The following MAST4 variants were observed in gnomAD, a reference collection of about 807,000 sequenced individuals.
MAST4 encodes microtubule-associated serine/threonine-protein kinase 4.
MAST4 carries 89 observed loss-of-function variants against 162.7 expected under a neutral mutation model. That is an observed-to-expected ratio of 0.55 (90% confidence interval 0.46 to 0.65). The LOEUF is 0.65. MAST4 is among the 30% of genes least tolerant of loss of function. The pLI is 0.00. For missense variants in MAST4, 3,153 were observed against 3,374.0 expected (o/e 0.93, Z 1.62); for synonymous variants, 1,479 against 1,361.1 (o/e 1.09, Z -1.91).
At chr5:67,069,939 C>G (rs1451902572) in intron 5 of MAST4, among the ~76,000 whole-genome samples, 1 of 147,316 alleles carries the variant, frequency 6.8e-6, no homozygotes, top group Non-Finnish European at 1.5e-5. Context: ...AAAGAACATG[C>G]CCTACTTCAG....
chr5:67,062,556 T>C (rs1255466286), intron 5 of MAST4, among the ~76,000 whole-genome samples: 1 of 152,096 alleles, frequency 6.6e-6, no homozygotes, highest in Non-Finnish European at 1.5e-5. Context: ...TTAATAAAAA[T>C]GTTCATTCAG....
chr5:67,141,625 A>G (rs549105248), intron 19 of MAST4, among the ~76,000 whole-genome samples: 2 of 152,336 alleles, frequency 1.3e-5, no homozygotes, highest in Non-Finnish European at 2.9e-5. Flanking sequence ...ATTCTTATCT[A>G]TGTTAATGAG....
At chr5:66,744,519 G>A (rs1752643537) in intron 1 of MAST4, among the ~76,000 whole-genome samples, 1 of 152,082 alleles carries the variant, frequency 6.6e-6, no homozygotes, top group Non-Finnish European at 1.5e-5. Flanking sequence ...AGGAAAAGAG[G>A]TTTAATTGGC....
Position 66,974,862 on chromosome 5 carries a change from G to T in MAST4, c.674+74880G>T, listed in dbSNP as rs1747930094. ...AGAGAATTTCTATTCTAGCTGAGAT[G>T]ATAAGAATTAAGAGTATGGGTTGGG... is the stretch of plus-strand genomic sequence containing the variant. On this transcript the variant is annotated intron_variant, in intron 4 of 28. Coordinates refer to ENST00000403625, the MANE Select transcript of MAST4 (RefSeq NM_001164664.2). 2.0e-5 allele frequency among the ~76,000 whole-genome samples: 3 copies of T among 152,290 alleles called. No individual in the cohort carries two copies. In the Middle Eastern group the frequency reaches 0.01, roughly 518 times the overall value.
intron 1 of MAST4, among the ~76,000 whole-genome samples, chr5:66,606,812 A>G (rs1182731889): frequency 1.3e-5 from 2 of 152,192 alleles, no homozygotes; most frequent in Non-Finnish European, 2.9e-5. Context: ...CACTTGAGAC[A>G]TAATGTGTGG....
intron 1 of MAST4, among the ~76,000 whole-genome samples, chr5:66,731,902 T>G (rs977929328): frequency 3.9e-5 from 6 of 152,160 alleles, no homozygotes; most frequent in Middle Eastern, 3.4e-3. Context: ...TCCCCACAAG[T>G]AAGAACCCCA....
At chr5:67,153,272 C>G (rs1054850744) in intron 25 of MAST4, among the ~76,000 whole-genome samples, 186 bp from the exon 26 acceptor site, 3 of 151,814 alleles carry the variant, frequency 2.0e-5, no homozygotes, top group Admixed American at 2.0e-4. Context: ...CTGAAAATTT[C>G]TAAGTACCAT....
At chr5:66,777,913 C>G (rs905855380) in intron 2 of MAST4, among the ~76,000 whole-genome samples, 1 of 152,150 alleles carries the variant, frequency 6.6e-6, no homozygotes, top group Non-Finnish European at 1.5e-5. Flanking sequence ...TTGCTGTTTC[C>G]TTCCATATAT....
At chr5:67,030,178 T>C (rs1755132127) in intron 4 of MAST4, among the ~76,000 whole-genome samples, 1 of 152,152 alleles carries the variant, frequency 6.6e-6, no homozygotes, top group Non-Finnish European at 1.5e-5. Flanking sequence ...GTCATTCACA[T>C]CCTTATAGGT....
chr5:67,124,484 G>A (rs980068453), intron 14 of MAST4, among the ~76,000 whole-genome samples: 2 of 152,118 alleles, frequency 1.3e-5, no homozygotes. Flanking sequence ...GAGAAAAGGT[G>A]TATGTGAGAG....
intron 4 of MAST4, among the ~76,000 whole-genome samples, chr5:67,040,748 C>T (rs1217731327): frequency 6.6e-6 from 1 of 152,172 alleles, no homozygotes; most frequent in Non-Finnish European, 1.5e-5. Flanking sequence ...CTATGTATGA[C>T]CAGAATGGTG....
intron 19 of MAST4, 86 bp from the exon 20 acceptor site, chr5:67,142,029 A>G (rs1770457304): frequency 1.1e-5 from 15 of 1,386,926 alleles, no homozygotes; most frequent in Admixed American, 2.1e-5. Flanking sequence ...TATGTTCTCA[A>G]AATTGTTGTT....
chr5:67,115,136 A>G (rs1766734419), intron 12 of MAST4: 1 of 152,106 alleles, frequency 6.6e-6, no homozygotes, highest in African/African-American at 2.4e-5. Flanking sequence ...GCATCTTGTC[A>G]GTGAACTTTT....
intron 14 of MAST4, among the ~76,000 whole-genome samples, chr5:67,128,568 A>G (rs1159966751): frequency 6.6e-6 from 1 of 152,242 alleles, no homozygotes; most frequent in Non-Finnish European, 1.5e-5. Flanking sequence ...CATGATGAAA[A>G]GACAGAGATA....
At chr5:66,636,343 A>G (rs1166058057) in intron 1 of MAST4, among the ~76,000 whole-genome samples, 4 of 152,128 alleles carry the variant, frequency 2.6e-5, no homozygotes, top group Non-Finnish European at 5.9e-5. Context: ...ATTTTAGGAG[A>G]TGGCAATGTA....
chr5:67,044,075 A>C (rs1266916704), intron 4 of MAST4, among the ~76,000 whole-genome samples: 1 of 152,150 alleles, frequency 6.6e-6, no homozygotes, highest in Non-Finnish European at 1.5e-5. Context: ...GTTTTGAATG[A>C]CTTTATACTA....
In MAST4 at chr5:67,168,139, T is replaced by TG. The variant is rs1010986376; in HGVS notation, c.*1093dup. 6.6e-6 allele frequency: 1 copy of TG among 152,176 alleles called. No individual in the cohort carries two copies. Among genetic ancestry groups the TG allele is most frequent in the Non-Finnish European group, 1.5e-5 (1 of 68,022 alleles). 9.4% of individuals were successfully genotyped at this position (152,176 alleles called of 1,614,324 possible). On this transcript the variant is annotated 3_prime_UTR_variant, in exon 29 of 29. Coordinates refer to ENST00000403625, the MANE Select transcript of MAST4 (RefSeq NM_001164664.2). ...AATTTGCTTTTTTGAGGAAAAGAAC[T>TG]GGGGGTGGATTTTGGCATCGTAGCA...
At chr5:66,630,827 A>G (rs1744748452) in intron 1 of MAST4, among the ~76,000 whole-genome samples, 1 of 152,216 alleles carries the variant, frequency 6.6e-6, no homozygotes, top group South Asian at 2.1e-4. Context: ...GGTGCCTTAT[A>G]GATTTCTAGA....
chr5:66,612,344 A>G (rs1265557422), intron 1 of MAST4, among the ~76,000 whole-genome samples: 4 of 152,232 alleles, frequency 2.6e-5, no homozygotes, highest in Non-Finnish European at 4.4e-5. Context: ...ACTGCTTCAC[A>G]TAACGAGTGC....
Sources: allele counts gnomAD v4.1 joint callset (sites outside exome capture counted in the v4.1 genomes callset), GRCh38; gene constraint gnomAD v4.1.1; transcripts MANE v1.5; gene names NCBI Gene and HGNC (gene_info 2026-07-23, HGNC 2026-07-21).